The following LRP1B variants were observed in gnomAD, a reference collection of about 807,000 sequenced individuals.
LRP1B encodes the protein LDL receptor related protein 1B.
LRP1B carries 217 observed loss-of-function variants against 556.6 expected under a neutral mutation model. The ratio of observed to expected loss-of-function variants is 0.39; its 90% CI spans 0.35 to 0.44. The LOEUF (loss-of-function observed/expected upper bound fraction) is 0.44, where lower values mean the gene tolerates loss of function less well. LRP1B is among the 20% of genes least tolerant of loss of function. The pLI is 1.00. For synonymous variants in LRP1B, 2,047 were observed against 1,865.8 expected (o/e 1.10, Z -2.50); for missense variants, 5,053 against 5,620.8 (o/e 0.90, Z 3.23).
chr2:141,584,203 C>T (rs1243705792), intron 2 of LRP1B, among the ~76,000 whole-genome samples: 3 of 151,616 alleles, frequency 2.0e-5, no homozygotes, highest in Non-Finnish European at 4.4e-5. Flanking sequence ...TGTGATAGTG[C>T]CACTGCCCTC....
intron 35 of LRP1B, among the ~76,000 whole-genome samples, chr2:140,752,915 C>A (rs546832931): frequency 6.6e-6 from 1 of 152,218 alleles, no homozygotes; most frequent in Admixed American, 6.5e-5. Context: ...CAGTAGGGTT[C>A]ACTCTTGGTG....
intron 32 of LRP1B, among the ~76,000 whole-genome samples, chr2:140,778,921 T>G (rs980791926): frequency 3.3e-5 from 5 of 151,866 alleles, no homozygotes; most frequent in African/African-American, 7.2e-5. Context: ...AAAATATAAC[T>G]ATTAACATTA....
chr2:140,926,056 CTT>C (rs70991119), intron 20 of LRP1B, among the ~76,000 whole-genome samples: 13 of 86,004 alleles, frequency 1.5e-4, no homozygotes, highest in South Asian at 4.0e-4. Context: ...TGGAGATTTT[CTT>C]TTTTTTTTTT....
chr2:141,388,820 C>A (rs80102146), intron 3 of LRP1B, among the ~76,000 whole-genome samples: 5 of 152,124 alleles, frequency 3.3e-5, no homozygotes, highest in African/African-American at 9.6e-5. Flanking sequence ...TTGCCGGGCA[C>A]ATGATTGACA....
At chr2:140,374,465 A>G (rs947427319) in intron 68 of LRP1B, among the ~76,000 whole-genome samples, 1 of 152,142 alleles carries the variant, frequency 6.6e-6, no homozygotes, top group African/African-American at 2.4e-5. Flanking sequence ...ACTACTTAAG[A>G]AAAGGCTTTT....
intron 43 of LRP1B, among the ~76,000 whole-genome samples, chr2:140,553,111 C>T (rs764880771): frequency 2.6e-5 from 4 of 152,064 alleles, no homozygotes; most frequent in Non-Finnish European, 4.4e-5. Context: ...AACTGATTGC[C>T]TCATTGACAA....
At chr2:141,539,111 A>G (rs1489152636) in intron 2 of LRP1B, among the ~76,000 whole-genome samples, 2 of 152,182 alleles carry the variant, frequency 1.3e-5, no homozygotes, top group African/African-American at 4.8e-5. Flanking sequence ...CAAATTATCA[A>G]TGATTTATGT....
At chr2:140,806,064 T>TTCTC (rs3061403) in intron 32 of LRP1B, among the ~76,000 whole-genome samples, 67,684 of 151,192 alleles carry the variant, frequency 0.45, 16,242 homozygotes, top group East Asian at 0.58. Flanking sequence ...AGAGAGCTCT[T>TTCTC]TCTCTCTCTC....
At chr2:140,569,163 A>G (rs1681231847) in intron 43 of LRP1B, among the ~76,000 whole-genome samples, 1 of 152,044 alleles carries the variant, frequency 6.6e-6, no homozygotes, top group African/African-American at 2.4e-5. Flanking sequence ...ATAAAGGAAC[A>G]AACTACACAA....
chr2:140,796,050 T>C (rs1345464745), intron 32 of LRP1B, among the ~76,000 whole-genome samples: 1 of 124,288 alleles, frequency 8.0e-6, no homozygotes, highest in Non-Finnish European at 1.9e-5. Flanking sequence ...ATGTCCCTGC[T>C]CTATATCTAT....
chr2:142,041,683 T>A (rs1430451150), intron 1 of LRP1B, among the ~76,000 whole-genome samples: 3 of 151,542 alleles, frequency 2.0e-5, no homozygotes, highest in Non-Finnish European at 4.4e-5. Context: ...TAGGATGAAC[T>A]TTTGTTGTAC....
At chr2:141,471,750 T>C (rs1324962938) in intron 3 of LRP1B, among the ~76,000 whole-genome samples, 1 of 152,222 alleles carries the variant, frequency 6.6e-6, no homozygotes, top group African/African-American at 2.4e-5. Context: ...ATCTGGAATA[T>C]TGTCACTGCA....
chr2:141,698,757 G>A (rs1691830573), intron 2 of LRP1B, among the ~76,000 whole-genome samples: 3 of 151,666 alleles, frequency 2.0e-5, no homozygotes. Flanking sequence ...AGAGCTTAGG[G>A]CATTAACTTA....
chr2:141,761,028 T>A (rs1168559672), intron 2 of LRP1B, among the ~76,000 whole-genome samples: 1 of 152,174 alleles, frequency 6.6e-6, no homozygotes, highest in African/African-American at 2.4e-5. Context: ...GAGTATGGGG[T>A]TGACAGACTG....
chr2:142,116,008 G>A (rs1707259158), intron 1 of LRP1B, among the ~76,000 whole-genome samples: 1 of 144,026 alleles, frequency 6.9e-6, no homozygotes, highest in Non-Finnish European at 1.5e-5. Context: ...TTTGAGGTCA[G>A]GAGTGTGGGA....
intron 2 of LRP1B, among the ~76,000 whole-genome samples, chr2:141,739,101 C>G (rs1374370083): frequency 6.6e-6 from 1 of 151,996 alleles, no homozygotes; most frequent in Admixed American, 6.6e-5. Flanking sequence ...ATATGTTACC[C>G]TGATGCAAAA....
intron 1 of LRP1B, among the ~76,000 whole-genome samples, chr2:142,104,411 G>T (rs187670584): frequency 6.6e-6 from 1 of 152,026 alleles, no homozygotes; most frequent in Non-Finnish European, 1.5e-5. Flanking sequence ...TTTGCAGAGG[G>T]GTTTATTGTG....
At position 141,219,175 on chromosome 2, in the gene LRP1B, A is replaced by C. The variant is rs192011859; in HGVS notation, c.850+10008T>G. ...CAATCGGGTTGAGGCCAGTGGCTTC[A>C]GGCTGGACACTGCCTAAGACAACTG... On this transcript the variant is annotated intron_variant, in intron 6 of 90. Transcript: ENST00000389484. 4.7e-4 allele frequency among the ~76,000 whole-genome samples: 71 copies of C among 152,352 alleles called. 1 individual carries two copies. The East Asian group carries it at 0.011, about 23-fold the overall frequency.
intron 1 of LRP1B, among the ~76,000 whole-genome samples, chr2:141,942,485 T>TA (rs889237896): frequency 3.3e-5 from 5 of 150,848 alleles, no homozygotes; most frequent in African/African-American, 1.2e-4. Flanking sequence ...ACACAATTTG[T>TA]AAAAAACAAA....
Sources: allele counts gnomAD v4.1 joint callset (sites outside exome capture counted in the v4.1 genomes callset), GRCh38; gene constraint gnomAD v4.1.1; transcripts MANE v1.5; gene names NCBI Gene and HGNC (gene_info 2026-07-23, HGNC 2026-07-21).